The following TNR variants were observed in gnomAD, a reference collection of about 807,000 sequenced individuals.
TNR encodes the protein tenascin-R.
A neutral mutation model predicts 150.4 loss-of-function variants in TNR; 45 were observed. The ratio of observed to expected loss-of-function variants is 0.30; its 90% CI spans 0.24 to 0.38. The LOEUF is 0.38. Ranked by LOEUF, TNR falls within the 10% of genes least tolerant of loss-of-function variation. TNR has a pLI of 1.00. For missense variants in TNR, 1,544 were observed against 1,759.1 expected, an observed-to-expected ratio of 0.88 and a Z score of 2.19; for synonymous variants, 687 against 678.4, an observed-to-expected ratio of 1.01 and a Z score of -0.20.
chr1:175,594,991 CCT>C (rs1486613000), intron 1 of TNR, among the ~76,000 whole-genome samples: 1 of 151,628 alleles, frequency 6.6e-6, no homozygotes, highest in African/African-American at 2.4e-5. Flanking sequence ...ATGGTGAAAC[CCT>C]GTCTCTACTA....
rs115640644 is a variant in TNR, at chr1:175,613,974, A to G, written c.-164-85605T>C. On this transcript the variant is annotated intron_variant, in intron 1 of 22. Coordinates refer to ENST00000367674, the MANE Select transcript of TNR (RefSeq NM_003285.3). ...CGGTCAAATCCTAGCCCAGCCATTT[A>G]CTAGCTATGTGGTCCTAGGCAAGTT... Among the ~76,000 whole-genome samples the G allele has an allele frequency of 7.3e-3, 1,117 of 152,292 alleles. 9 individuals carry two copies. Among genetic ancestry groups the G allele is most frequent in the African/African-American group, 0.025 (1,026 of 41,556 alleles).
At chr1:175,730,115 C>G (rs192997686) in intron 1 of TNR, among the ~76,000 whole-genome samples, 2 of 152,234 alleles carry the variant, frequency 1.3e-5, no homozygotes, top group East Asian at 3.9e-4. Context: ...TCACCATTCT[C>G]ACTACCGCCT....
intron 1 of TNR, among the ~76,000 whole-genome samples, chr1:175,741,642 C>T (rs1667934840): frequency 6.6e-6 from 1 of 152,190 alleles, no homozygotes; most frequent in Non-Finnish European, 1.5e-5. Flanking sequence ...CATTCTACTT[C>T]CTGCCACTCT....
At chr1:175,407,504 T>C (rs1654018693) in intron 2 of TNR, among the ~76,000 whole-genome samples, 1 of 152,176 alleles carries the variant, frequency 6.6e-6, no homozygotes, top group Non-Finnish European at 1.5e-5. Flanking sequence ...CCAAGAACCA[T>C]AGAGTACAAT....
At chr1:175,375,184 T>C (rs1241241041) in intron 9 of TNR, among the ~76,000 whole-genome samples, 1 of 151,958 alleles carries the variant, frequency 6.6e-6, no homozygotes, top group African/African-American at 2.4e-5. Flanking sequence ...GTTGTTTTTT[T>C]TTTTTGTTGC....
At chr1:175,512,026 C>A (rs1465730715) in intron 2 of TNR, among the ~76,000 whole-genome samples, 4 of 152,152 alleles carry the variant, frequency 2.6e-5, no homozygotes, top group Non-Finnish European at 5.9e-5. Flanking sequence ...GAGATAGAAT[C>A]TCTTGACTCT....
At chr1:175,440,479 T>C (rs1655732622) in intron 2 of TNR, among the ~76,000 whole-genome samples, 1 of 151,808 alleles carries the variant, frequency 6.6e-6, no homozygotes, top group Non-Finnish European at 1.5e-5. Flanking sequence ...TATACATATG[T>C]AACAAACCTG....
intron 7 of TNR, 39 bp downstream of exon 7, chr1:175,391,249 T>C (rs958022580): frequency 3.2e-5 from 51 of 1,604,686 alleles, no homozygotes; most frequent in Middle Eastern, 2.1e-4. Flanking sequence ...CCAAGTGACC[T>C]AGTAGGCAGC....
At chr1:175,687,234 AAG>A (rs1666226791) in intron 1 of TNR, among the ~76,000 whole-genome samples, 1 of 152,040 alleles carries the variant, frequency 6.6e-6, no homozygotes, top group Non-Finnish European at 1.5e-5. Flanking sequence ...CAGAGGAGAA[AAG>A]AGAACATCAT....
chr1:175,491,748 C>T (rs1049862974), intron 2 of TNR, among the ~76,000 whole-genome samples: 3 of 146,800 alleles, frequency 2.0e-5, no homozygotes, highest in African/African-American at 2.5e-5. Flanking sequence ...CTCCAGGGTT[C>T]ACGCCGTTCT....
At chr1:175,673,741 T>C (rs1665773277) in intron 1 of TNR, among the ~76,000 whole-genome samples, 1 of 152,244 alleles carries the variant, frequency 6.6e-6, no homozygotes, top group Admixed American at 6.5e-5. Context: ...TTTTAAGATC[T>C]GCTGGTACGG....
At chr1:175,413,171 G>C (rs181703579) in intron 2 of TNR, among the ~76,000 whole-genome samples, 1 of 152,154 alleles carries the variant, frequency 6.6e-6, no homozygotes, top group Non-Finnish European at 1.5e-5. Context: ...GATTATAGGC[G>C]TGTGCCACCA....
chr1:175,337,447 A>G lies in TNR; in HGVS notation c.3534+81T>C, dbSNP rs554232590. 13 of 1,544,524 alleles carry G rather than the reference A, an allele frequency of 8.4e-6. No homozygotes were observed. The African/African-American group carries it at 1.8e-4, about 21-fold the overall frequency. Reference sequence around the variant, plus strand: ...AAAAGGATGGCCAGGAGGATGGTGAAGTTGGCTTGGCAGGTGCTGAGCTAG... The same window carrying G: ...AAAAGGATGGCCAGGAGGATGGTGAGGTTGGCTTGGCAGGTGCTGAGCTAG... On this transcript the variant is annotated intron_variant, in intron 19 of 22. Transcript: ENST00000367674.
At chr1:175,705,980 A>T (rs189678298) in intron 1 of TNR, among the ~76,000 whole-genome samples, 245 of 152,320 alleles carry the variant, frequency 1.6e-3, no homozygotes, top group African/African-American at 5.7e-3. Flanking sequence ...AAAATGTAGG[A>T]GATGTGCTTA....
At position 175,316,226 on chromosome 1, in the gene TNR, T is replaced by C. The variant is rs1294540369; in HGVS notation, c.*7131A>G. 6.6e-6 allele frequency: 1 copy of C among 152,256 alleles called. No individual in the cohort carries two copies. The highest frequency in any genetic ancestry group is 1.5e-5 in the Non-Finnish European group (1 of 68,050). The allele number at this position is 152,256 out of a possible 1,614,324, so 9.4% of individuals were successfully genotyped here. ...CCCAAAGTAGCAGAGAAAGCTGATA[T>C]TGTAGCCAACTGTCTTCTGATGCCT... On this transcript the variant is annotated 3_prime_UTR_variant, in exon 23 of 23. Transcript: ENST00000367674.
At chr1:175,560,161 GC>G (rs1661363988) in intron 1 of TNR, among the ~76,000 whole-genome samples, 1 of 152,300 alleles carries the variant, frequency 6.6e-6, no homozygotes, top group East Asian at 1.9e-4. Context: ...TTTGTTTTAA[GC>G]CTGAATGCAG....
intron 1 of TNR, among the ~76,000 whole-genome samples, chr1:175,709,347 T>C (rs562464410): frequency 5.1e-5 from 7 of 138,212 alleles, no homozygotes; most frequent in African/African-American, 1.9e-4. Flanking sequence ...ACACACGCAC[T>C]TCCAACAAGG....
intron 1 of TNR, among the ~76,000 whole-genome samples, chr1:175,737,963 A>C (rs985472026): frequency 2.0e-5 from 3 of 152,186 alleles, no homozygotes; most frequent in African/African-American, 7.2e-5. Context: ...CCTGCCTGCT[A>C]GTACCTCTCT....
At position 175,415,145 on chromosome 1, in the gene TNR, C is replaced by CT. The variant is rs35109798; in HGVS notation, c.-63-8369dup. Among the ~76,000 whole-genome samples the CT allele has an allele frequency of 6.4e-3, 874 of 137,088 alleles. 6 individuals carry two copies. The highest frequency in any genetic ancestry group is 0.019 in the Middle Eastern group (5 of 268). 89.9% of individuals were successfully genotyped at this position (137,088 alleles called of 152,430 possible). On this transcript the variant is annotated intron_variant, in intron 2 of 22. Coordinates refer to ENST00000367674, the MANE Select transcript of TNR (RefSeq NM_003285.3). ...TGGAAAATGACACTCTTTTTTTGTGCTTTTTTTTTTTTTTTTGTTAGAATT... is the reference window on the plus strand; with the variant it reads ...TGGAAAATGACACTCTTTTTTTGTGCTTTTTTTTTTTTTTTTTGTTAGAATT...
Sources: gnomAD v4.1 joint callset for allele counts (sites outside exome capture counted in the v4.1 genomes callset) on GRCh38, gnomAD v4.1.1 for gene constraint, MANE v1.5 for transcripts, NCBI Gene and HGNC (gene_info 2026-07-23, HGNC 2026-07-21) for gene names.